The following MIB1 variants were observed in gnomAD, a reference collection of about 807,000 sequenced individuals.
MIB1 encodes MIB E3 ubiquitin protein ligase 1, also known as E3 ubiquitin-protein ligase MIB1.
A neutral mutation model predicts 124.5 loss-of-function variants in MIB1; 278 were observed. The observed-to-expected ratio is 2.23, with a 90% CI of 2.02 to 2.47. MIB1 has a LOEUF of 2.47. Ranked by LOEUF, MIB1 falls within the 30% of genes most tolerant of loss-of-function variation. The pLI is 0.00. For missense variants in MIB1, 957 were observed against 1,254.4 expected (o/e 0.76, Z 3.58); for synonymous variants, 446 against 429.4 (o/e 1.04, Z -0.48).
chr18:21,750,212 C>T (rs2040958992), intron 1 of MIB1, among the ~76,000 whole-genome samples: 1 of 152,202 alleles, frequency 6.6e-6, no homozygotes, highest in Non-Finnish European at 1.5e-5. Flanking sequence ...TCACTGCAAC[C>T]TCTACCTCCT....
chr18:21,815,893 T>A (rs938854882), intron 11 of MIB1, 80 bp downstream of exon 11: 2 of 1,251,434 alleles, frequency 1.6e-6, no homozygotes, highest in Non-Finnish European at 2.3e-6. Context: ...ATGGTAAGCA[T>A]TCCTTTGTTA....
intron 1 of MIB1, among the ~76,000 whole-genome samples, chr18:21,714,804 C>G (rs117383449): frequency 6.6e-6 from 1 of 152,204 alleles, no homozygotes; most frequent in Non-Finnish European, 1.5e-5. Flanking sequence ...CAGGAGCTTT[C>G]TGCTCCATCA....
Position 21,782,629 on chromosome 18 carries a change from G to A in MIB1, c.908+2944G>A, listed in dbSNP as rs545581962. On this transcript the variant is annotated intron_variant, in intron 6 of 20. Transcript: ENST00000261537. ...GTGTTATTGCATTGTGGTCAGAAAAGATACTTTATACCATTTCAACTTTTT... is the reference window on the plus strand; with the variant it reads ...GTGTTATTGCATTGTGGTCAGAAAAAATACTTTATACCATTTCAACTTTTT... Among the ~76,000 whole-genome samples, 100 of 152,232 alleles carry A rather than the reference G, an allele frequency of 6.6e-4. No individual in the cohort carries two copies. In the Middle Eastern group the frequency reaches 0.01, roughly 16 times the overall value.
intron 1 of MIB1, among the ~76,000 whole-genome samples, chr18:21,761,794 T>A (rs2041100547): frequency 6.6e-6 from 1 of 152,238 alleles, no homozygotes; most frequent in Non-Finnish European, 1.5e-5. Flanking sequence ...TCTGAGCCAA[T>A]GCTGAGAAAA....
chr18:21,838,093 G>A (rs937511281), intron 12 of MIB1, among the ~76,000 whole-genome samples: 1 of 151,908 alleles, frequency 6.6e-6, no homozygotes, highest in Non-Finnish European at 1.5e-5. Flanking sequence ...GTAATAGTGT[G>A]TCTACCTCTC....
chr18:21,798,086 T>A lies in MIB1; in HGVS notation c.1095T>A (p.Thr365=). The change falls in exon 8 of 21, where the codon ACT becomes ACA. Residue 365 remains threonine, a splice_region_variant and synonymous_variant. Coordinates refer to ENST00000261537, the MANE Select transcript of MIB1 (RefSeq NM_020774.4). ...ATGAATCTATTTTTTTCCCCAAGAC[T>A]TTAGGTAAAGTTGGCCGAGTACAAC... The part of the protein sequence containing the change: ...HGEWAEAMLP[T]LGKVGRVQQI... 6.2e-6 allele frequency: 10 copies of A among 1,612,666 alleles called. No homozygotes were observed. The highest frequency in any genetic ancestry group is 8.5e-6 in the Non-Finnish European group (10 of 1,179,048).
At chr18:21,733,053 T>A (rs1050841731) in intron 1 of MIB1, among the ~76,000 whole-genome samples, 13 of 152,318 alleles carry the variant, frequency 8.5e-5, no homozygotes, top group African/African-American at 2.6e-4. Flanking sequence ...CACCTCTTGG[T>A]AGCCATTGCT....
intron 9 of MIB1, among the ~76,000 whole-genome samples, chr18:21,801,309 C>T (rs2041648348): frequency 6.6e-6 from 1 of 152,088 alleles, no homozygotes. Flanking sequence ...CCATCCCATG[C>T]CCACAAGACA....
intron 15 of MIB1, among the ~76,000 whole-genome samples, chr18:21,845,930 C>CT (rs1333966493): frequency 6.6e-6 from 1 of 152,072 alleles, no homozygotes; most frequent in South Asian, 2.1e-4. Flanking sequence ...GCTGAAAAGA[C>CT]TTTCTTTTTC....
intron 20 of MIB1, among the ~76,000 whole-genome samples, chr18:21,860,182 C>G (rs2042265247): frequency 7.4e-6 from 1 of 134,814 alleles, no homozygotes; most frequent in South Asian, 2.5e-4. Context: ...CTCACTGAAA[C>G]CTCTGCCTCC....
At chr18:21,807,510 C>T (rs1568210229) in intron 10 of MIB1, among the ~76,000 whole-genome samples, 2 of 152,168 alleles carry the variant, frequency 1.3e-5, no homozygotes, top group Non-Finnish European at 2.9e-5. Context: ...TTAACATTGC[C>T]TATTAAACAA....
At chr18:21,775,621 A>G (rs749813158) in intron 4 of MIB1, among the ~76,000 whole-genome samples, 8 of 152,228 alleles carry the variant, frequency 5.3e-5, no homozygotes, top group Non-Finnish European at 1.0e-4. Flanking sequence ...ATTATTGTAT[A>G]TAGCAGTGAT....
chr18:21,740,686 G>C (rs1486503278), upstream of MIB1, among the ~76,000 whole-genome samples: 4 of 152,202 alleles, frequency 2.6e-5, no homozygotes, highest in Admixed American at 2.6e-4. Context: ...CGGCACCACC[G>C]GGCGGCAACT....
At chr18:21,732,726 T>C (rs1458913647) in intron 1 of MIB1, among the ~76,000 whole-genome samples, 1 of 152,116 alleles carries the variant, frequency 6.6e-6, no homozygotes, top group East Asian at 1.9e-4. Flanking sequence ...TTAAGATTAG[T>C]AAACAAAAAG....
chr18:21,803,466 CCTG>C, intron 9 of MIB1, among the ~76,000 whole-genome samples: 2 of 152,262 alleles, frequency 1.3e-5, no homozygotes, highest in Admixed American at 6.5e-5. Flanking sequence ...TTGCAGTTTG[CCTG>C]CAAGTTGATG....
chr18:21,757,127 G>A (rs1037556515), intron 1 of MIB1, among the ~76,000 whole-genome samples: 10 of 151,824 alleles, frequency 6.6e-5, no homozygotes, highest in African/African-American at 2.4e-4. Flanking sequence ...ATGGTGTGGT[G>A]GTCAACTACA....
chr18:21,800,754 T>A (rs999052708), intron 9 of MIB1, among the ~76,000 whole-genome samples: 5 of 152,098 alleles, frequency 3.3e-5, no homozygotes, highest in African/African-American at 1.2e-4. Flanking sequence ...AATTGTAAAG[T>A]ATTAATGTCT....
At chr18:21,802,789 G>A (rs891738683) in intron 9 of MIB1, among the ~76,000 whole-genome samples, 1 of 152,162 alleles carries the variant, frequency 6.6e-6, no homozygotes, top group East Asian at 1.9e-4. Context: ...TCCTCACTTG[G>A]ACTTGTTGAC....
At chr18:21,738,824 A>C (rs2040808124), upstream of MIB1, among the ~76,000 whole-genome samples, 2 of 33,272 alleles carry the variant, frequency 6.0e-5, no homozygotes, top group African/African-American at 3.2e-4. Flanking sequence ...AAAAAAAAAA[A>C]AAAAAAAAAA....
Sources: allele counts gnomAD v4.1 joint callset (sites outside exome capture counted in the v4.1 genomes callset), GRCh38; gene constraint gnomAD v4.1.1; transcripts MANE v1.5; gene names NCBI Gene and HGNC (gene_info 2026-07-23, HGNC 2026-07-21).